Variants in DDX19A observed in about 807,000 individuals in gnomAD.
The protein encoded by DDX19A is ATP-dependent RNA helicase DDX19A.
A neutral mutation model predicts 60.6 loss-of-function variants in DDX19A; 12 were observed. The ratio of observed to expected loss-of-function variants is 0.20; its 90% CI spans 0.13 to 0.32. The LOEUF (loss-of-function observed/expected upper bound fraction) is 0.32. Ranked by LOEUF, DDX19A falls within the 10% of genes least tolerant of loss-of-function variation. The pLI, the probability that DDX19A is intolerant of heterozygous loss-of-function variation, is 1.00. For synonymous variants in DDX19A, 206 were observed against 218.2 expected, an observed-to-expected ratio of 0.94 and a Z score of 0.49; for missense variants, 337 against 600.6, an observed-to-expected ratio of 0.56 and a Z score of 4.59.
In DDX19A at chr16:70,372,026, C is replaced by T. The variant is rs1240793493; in HGVS notation, c.*40C>T. ...CACTGATGCCAGCCCTGGCACTGCC[C>T]CTGCACAGGAGACAAGTGCATTTAG... On this transcript the variant is annotated 3_prime_UTR_variant, in exon 12 of 12. Coordinates refer to ENST00000302243, the MANE Select transcript of DDX19A (RefSeq NM_018332.5). 6.2e-7 allele frequency: 1 copy of T among 1,613,786 alleles called. No homozygotes were observed. The highest frequency in any genetic ancestry group is 2.2e-5 in the East Asian group (1 of 44,886).
chr16:70,365,358 A>G, intron 7 of DDX19A: 1 of 361,850 alleles, frequency 2.8e-6, no homozygotes, highest in Non-Finnish European at 5.1e-6. Flanking sequence ...CGCATGGCTC[A>G]CAGAGTTCTT....
chr16:70,360,321 C>CTTTTTTT (rs1555552998), intron 4 of DDX19A, among the ~76,000 whole-genome samples: 1 of 133,490 alleles, frequency 7.5e-6, no homozygotes, highest in Non-Finnish European at 1.6e-5. Context: ...TTCTTTCTTT[C>CTTTTTTT]TTTTTTTTTT....
intron 7 of DDX19A, 38 bp from the exon 8 acceptor site, chr16:70,366,047 C>T: frequency 6.2e-7 from 1 of 1,614,070 alleles, no homozygotes. Flanking sequence ...CTGGCTTTGC[C>T]TTTGAAATAC....
intron 4 of DDX19A, among the ~76,000 whole-genome samples, chr16:70,359,904 CTG>C (rs1413894508): frequency 1.3e-5 from 2 of 152,116 alleles, no homozygotes; most frequent in African/African-American, 4.8e-5. Flanking sequence ...CTAAGTGAAT[CTG>C]AGCATTTGTA....
Position 70,365,809 on chromosome 16 carries a change from A to T in DDX19A, c.605-276A>T, listed in dbSNP as rs1964503035. The T allele has an allele frequency of 9.7e-6, 5 of 516,158 alleles. 1 individual carries two copies. The East Asian group carries it at 1.8e-4, about 18-fold the overall frequency. 32.0% of individuals were successfully genotyped at this position (516,158 alleles called of 1,614,324 possible). A position where few individuals can be genotyped will look rare whatever the true frequency, so the allele number is the denominator to read the frequency against. ...TAAATAAATAAATAAACATAAAAAG[A>T]GTTGGATGATGTTGGATTATAGGAG... On this transcript the variant is annotated intron_variant, in intron 7 of 11. Coordinates refer to ENST00000302243, the MANE Select transcript of DDX19A (RefSeq NM_018332.5).
chr16:70,368,253 C>T (rs1481564352), intron 9 of DDX19A, among the ~76,000 whole-genome samples: 2 of 152,214 alleles, frequency 1.3e-5, no homozygotes, highest in South Asian at 4.2e-4. Flanking sequence ...GTTCTCCTAT[C>T]TCCACTTGTG....
chr16:70,361,363 C>T (rs1321014089), intron 4 of DDX19A, 55 bp from the exon 5 acceptor site: 5 of 1,294,604 alleles, frequency 3.9e-6, no homozygotes, highest in Non-Finnish European at 5.6e-6. Flanking sequence ...GATTCTAGGC[C>T]TCTAAAACAA....
At position 70,360,238 on chromosome 16, in the gene DDX19A, G is replaced by T. The variant is rs144210008; in HGVS notation, c.294-1180G>T. On this transcript the variant is annotated intron_variant, in intron 4 of 11. Coordinates refer to ENST00000302243, the MANE Select transcript of DDX19A (RefSeq NM_018332.5). The stretch of plus-strand genomic sequence containing the variant: ...AGAGGTTGCAGTGAGCCAAGATCAC[G>T]CTATTGCACTCTAGCTTGAGCAACA... Among the ~76,000 whole-genome samples the T allele has an allele frequency of 2.1e-3, 322 of 151,238 alleles. 1 individual carries two copies. Among genetic ancestry groups the T allele is most frequent in the Non-Finnish European group, 3.8e-3 (259 of 67,876 alleles).
intron 4 of DDX19A, among the ~76,000 whole-genome samples, chr16:70,360,545 T>G (rs1352392357): frequency 1.3e-5 from 2 of 152,040 alleles, no homozygotes; most frequent in Non-Finnish European, 2.9e-5. Context: ...TCTCACTGTG[T>G]TGCCCAGGCC....
chr16:70,356,949 A>AC (rs1491062468), intron 4 of DDX19A: 4 of 885,490 alleles, frequency 4.5e-6, no homozygotes, highest in Admixed American at 4.0e-5. Context: ...TTTTTTTTTT[A>AC]CAAAAAAAAA....
chr16:70,362,330 G>C (rs978781225), intron 5 of DDX19A, among the ~76,000 whole-genome samples: 1 of 113,708 alleles, frequency 8.8e-6, no homozygotes, highest in Non-Finnish European at 1.7e-5. Context: ...GGGAAACATA[G>C]ACTCTGTCTC....
chr16:70,348,483 A>C (rs1963912138), intron 1 of DDX19A, among the ~76,000 whole-genome samples: 1 of 151,942 alleles, frequency 6.6e-6, no homozygotes, highest in Non-Finnish European at 1.5e-5. Context: ...AAAGTTAGCC[A>C]GGCGTGGTAG....
rs1964182570 is a variant in DDX19A at position 70,356,303 on chromosome 16, CTT to C, written c.293+57_293+58del. 16 of 1,597,078 alleles carry C rather than the reference CTT, an allele frequency of 1.0e-5. No homozygotes were observed. The South Asian group carries it at 1.1e-4, about 11-fold the overall frequency. ...GTTGCCAGTCTCTCCCCACATAAAA[CTT>C]AGCATCTGAGAGATTCTTGTGAGAA... On this transcript the variant is annotated intron_variant, in intron 4 of 11. Coordinates refer to ENST00000302243, the MANE Select transcript of DDX19A (RefSeq NM_018332.5).
At chr16:70,352,634 A>ATTT (rs11294947) in intron 2 of DDX19A, among the ~76,000 whole-genome samples, 11 of 86,132 alleles carry the variant, frequency 1.3e-4, no homozygotes, top group East Asian at 9.7e-4. Flanking sequence ...ATCTACCACG[A>ATTT]TTTTTTTTTT....
At chr16:70,354,139 T>TG (rs917325346) in intron 2 of DDX19A, among the ~76,000 whole-genome samples, 1 of 151,768 alleles carries the variant, frequency 6.6e-6, no homozygotes, top group Non-Finnish European at 1.5e-5. Context: ...TTAATATTTC[T>TG]GGGGTTTTTT....
At chr16:70,371,106 C>A in intron 10 of DDX19A, 1 of 604,550 alleles carries the variant, frequency 1.7e-6, no homozygotes, top group Non-Finnish European at 2.9e-6. Context: ...GCCTACTCTT[C>A]CAGGGGCGCC....
Position 70,364,561 on chromosome 16 carries a change from C to G in DDX19A, c.405C>G (p.Ala135=), listed in dbSNP as rs1216230169. 5 of 1,613,738 alleles carry G rather than the reference C, an allele frequency of 3.1e-6. No homozygotes were observed. The Admixed American group carries it at 6.7e-5, about 22-fold the overall frequency. Residue 135 remains alanine, a synonymous_variant, in exon 6 of 12, where the codon GCC becomes GCG. Transcript: ENST00000302243. Reference sequence around the variant, plus strand: ...GATCCAGCCCACAGAATCTGATTGCCCAGTCTCAGTCTGGCACTGGTAAAA... The same window carrying G: ...GATCCAGCCCACAGAATCTGATTGCGCAGTCTCAGTCTGGCACTGGTAAAA... ...MLAEPPQNLI[A]QSQSGTGKTA...
chr16:70,366,471 C>A, intron 8 of DDX19A, 153 bp from the exon 9 acceptor site: 1 of 1,268,932 alleles, frequency 7.9e-7, no homozygotes, highest in Non-Finnish European at 1.1e-6. Context: ...TTCCCCAACC[C>A]TTGTCCCCAT....
At chr16:70,355,193 G>T (rs1004558952) in intron 2 of DDX19A, among the ~76,000 whole-genome samples, 3 of 151,890 alleles carry the variant, frequency 2.0e-5, no homozygotes, top group Non-Finnish European at 4.4e-5. Flanking sequence ...CCTGGCCAAC[G>T]TGGTGAAACC....
Sources: gnomAD v4.1 joint callset for allele counts (sites outside exome capture counted in the v4.1 genomes callset) on GRCh38, gnomAD v4.1.1 for gene constraint, MANE v1.5 for transcripts, NCBI Gene and HGNC (gene_info 2026-07-23, HGNC 2026-07-21) for gene names.